Variants in TBC1D22A observed in about 807,000 individuals in gnomAD.
The protein encoded by TBC1D22A is putative GTPase activator.
In TBC1D22A, 38 loss-of-function variants were observed where a neutral mutation model predicts 60.2. The observed-to-expected ratio is 0.63, with a 90% CI of 0.49 to 0.83. The LOEUF (loss-of-function observed/expected upper bound fraction) is 0.83. TBC1D22A is among the 40% of genes least tolerant of loss of function. The pLI, the probability that TBC1D22A is intolerant of heterozygous loss-of-function variation, is 0.00. For synonymous variants in TBC1D22A, 302 were observed against 281.7 expected, an observed-to-expected ratio of 1.07 and a Z score of -0.72; for missense variants, 628 against 701.0, an observed-to-expected ratio of 0.90 and a Z score of 1.18.
intron 8 of TBC1D22A, among the ~76,000 whole-genome samples, chr22:46,970,277 C>G (rs2073996065): frequency 6.6e-6 from 1 of 152,148 alleles, no homozygotes; most frequent in Admixed American, 6.5e-5. Flanking sequence ...GCCCCACCCT[C>G]CGTTGATTGG....
intron 11 of TBC1D22A, among the ~76,000 whole-genome samples, chr22:47,043,255 G>T (rs1294192174): frequency 6.6e-6 from 1 of 152,214 alleles, no homozygotes; most frequent in Non-Finnish European, 1.5e-5. Flanking sequence ...GCATGATGGG[G>T]CCCCAGGTTC....
chr22:46,801,690 A>T (rs1325998572), intron 4 of TBC1D22A, among the ~76,000 whole-genome samples: 1 of 152,224 alleles, frequency 6.6e-6, no homozygotes, highest in Non-Finnish European at 1.5e-5. Context: ...TCGGAGGGCA[A>T]ACTGTGTGTG....
At chr22:47,056,347 G>C (rs1207814668) in intron 11 of TBC1D22A, among the ~76,000 whole-genome samples, 1 of 152,090 alleles carries the variant, frequency 6.6e-6, no homozygotes, top group Non-Finnish European at 1.5e-5. Flanking sequence ...GTTTGAGTTT[G>C]AGTTGGTTTT....
chr22:46,945,993 A>G (rs1409196233), intron 8 of TBC1D22A, among the ~76,000 whole-genome samples: 3 of 152,226 alleles, frequency 2.0e-5, no homozygotes, highest in Non-Finnish European at 4.4e-5. Context: ...CAACAGTGAC[A>G]TTCTGTGTAA....
intron 4 of TBC1D22A, among the ~76,000 whole-genome samples, chr22:46,858,881 G>C (rs998992711): frequency 1.3e-5 from 2 of 152,240 alleles, no homozygotes; most frequent in South Asian, 4.1e-4. Flanking sequence ...TGTTGCACAT[G>C]AGTGTTAAAA....
intron 11 of TBC1D22A, among the ~76,000 whole-genome samples, chr22:47,051,218 A>C (rs1465579998): frequency 1.3e-5 from 2 of 152,186 alleles, no homozygotes; most frequent in Non-Finnish European, 2.9e-5. Context: ...ACATTCCAGT[A>C]ATGTTGTTGT....
rs529176381 is a variant in TBC1D22A at position 46,793,845 on chromosome 22, C to G, written c.460+4C>G. 104 of 1,554,746 alleles carry G rather than the reference C, an allele frequency of 6.7e-5. 1 individual carries two copies. The South Asian group carries it at 1.2e-3, about 17-fold the overall frequency. On this transcript the variant is annotated splice_donor_region_variant and intron_variant, in intron 3 of 12. Coordinates refer to ENST00000337137, the MANE Select transcript of TBC1D22A (RefSeq NM_014346.5). Reference sequence around the variant, plus strand: ...AGCCACACGTCCTGTCCTGCAGGTACGATGGGAGGACTGAAGAGATGGTCT... The same window carrying G: ...AGCCACACGTCCTGTCCTGCAGGTAGGATGGGAGGACTGAAGAGATGGTCT...
chr22:47,105,758 C>T (rs2065610781), intron 11 of TBC1D22A, among the ~76,000 whole-genome samples: 1 of 152,046 alleles, frequency 6.6e-6, no homozygotes, highest in African/African-American at 2.4e-5. Flanking sequence ...GTTTCCCACC[C>T]CCCCACTCCC....
chr22:46,940,014 T>G (rs2071889048), intron 8 of TBC1D22A, among the ~76,000 whole-genome samples: 1 of 152,222 alleles, frequency 6.6e-6, no homozygotes, highest in African/African-American at 2.4e-5. Context: ...CAGATTTGGT[T>G]CCAGACAACT....
At chr22:47,089,669 C>A (rs992272489) in intron 11 of TBC1D22A, among the ~76,000 whole-genome samples, 1 of 152,262 alleles carries the variant, frequency 6.6e-6, no homozygotes, top group East Asian at 1.9e-4. Context: ...TCTTAAAGAT[C>A]CTGTCTTGTT....
rs557659228 is a variant in TBC1D22A at position 47,014,529 on chromosome 22, C to A, written c.1201+16820C>A. ...AGGGGCAGCTCCCTCCAGTGCTCAG[C>A]GCTCACTGCTCGTTAAGCCTACTGT... On this transcript the variant is annotated intron_variant, in intron 10 of 12. Coordinates refer to ENST00000337137, the MANE Select transcript of TBC1D22A (RefSeq NM_014346.5). Among the ~76,000 whole-genome samples the A allele has an allele frequency of 2.6e-5, 4 of 152,320 alleles. No individual in the cohort carries two copies. The East Asian group carries it at 5.8e-4, about 22-fold the overall frequency.
At chr22:47,147,983 C>T (rs1234413963) in intron 12 of TBC1D22A, among the ~76,000 whole-genome samples, 1 of 152,196 alleles carries the variant, frequency 6.6e-6, no homozygotes, top group Admixed American at 6.5e-5. Context: ...AGCTCCCCAC[C>T]AGGCTCCTCC....
At chr22:46,813,727 G>T (rs1362668375) in intron 4 of TBC1D22A, among the ~76,000 whole-genome samples, 1 of 152,174 alleles carries the variant, frequency 6.6e-6, no homozygotes, top group Non-Finnish European at 1.5e-5. Flanking sequence ...TGGGGATTTG[G>T]CTGGGGGTGG....
intron 9 of TBC1D22A, among the ~76,000 whole-genome samples, chr22:46,975,546 T>A (rs570219989): frequency 1.5e-4 from 23 of 152,290 alleles, no homozygotes; most frequent in African/African-American, 5.5e-4. Flanking sequence ...ATCCCTGTTA[T>A]CCCAGCTCAA....
intron 4 of TBC1D22A, among the ~76,000 whole-genome samples, chr22:46,835,463 A>G (rs745824186): frequency 6.6e-6 from 1 of 152,232 alleles, no homozygotes; most frequent in Non-Finnish European, 1.5e-5. Context: ...ATGAAATGCA[A>G]TTGAGAGCTT....
intron 8 of TBC1D22A, among the ~76,000 whole-genome samples, chr22:46,927,977 A>G (rs1370670233): frequency 6.6e-6 from 1 of 152,194 alleles, no homozygotes; most frequent in Non-Finnish European, 1.5e-5. Flanking sequence ...AAACCTTAAT[A>G]TTGTTAAGGT....
At chr22:46,876,672 G>C (rs562484359) in intron 4 of TBC1D22A, among the ~76,000 whole-genome samples, 2 of 152,230 alleles carry the variant, frequency 1.3e-5, no homozygotes, top group African/African-American at 2.4e-5. Flanking sequence ...GCCCTCAGCT[G>C]TCTGTGCTCA....
intron 11 of TBC1D22A, among the ~76,000 whole-genome samples, chr22:47,109,151 A>C (rs752798555): frequency 6.6e-6 from 1 of 152,232 alleles, no homozygotes; most frequent in Non-Finnish European, 1.5e-5. Context: ...GTTAGAGGTC[A>C]TAAGTATTTG....
intron 11 of TBC1D22A, among the ~76,000 whole-genome samples, chr22:47,055,347 C>T (rs1018822881): frequency 7.9e-5 from 12 of 152,200 alleles, no homozygotes; most frequent in Non-Finnish European, 1.5e-4. Flanking sequence ...ATTGCACCAG[C>T]GCGTCTCTGG....
Sources: gnomAD v4.1 joint callset for allele counts (sites outside exome capture counted in the v4.1 genomes callset) on GRCh38, gnomAD v4.1.1 for gene constraint, MANE v1.5 for transcripts, NCBI Gene and HGNC (gene_info 2026-07-23, HGNC 2026-07-21) for gene names.